Variants in DOCK9 observed in about 807,000 individuals in gnomAD.
DOCK9 encodes the protein dedicator of cytokinesis 9.
In DOCK9, 89 loss-of-function variants were observed where a neutral mutation model predicts 263.3. The ratio of observed to expected loss-of-function variants is 0.34; its 90% CI spans 0.28 to 0.40. The LOEUF (loss-of-function observed/expected upper bound fraction) is 0.40, where lower values mean the gene tolerates loss of function less well. Among genes scored for constraint, DOCK9 ranks in the 10% least tolerant of loss-of-function variants. The pLI is 1.00. For synonymous variants in DOCK9, 976 were observed against 973.1 expected, an observed-to-expected ratio of 1.00 and a Z score of -0.06; for missense variants, 2,140 against 2,603.4, an observed-to-expected ratio of 0.82 and a Z score of 3.87.
In DOCK9 at chr13:98,997,169, G is replaced by A. The variant is rs182998437; in HGVS notation, c.130-41618C>T. 2.6e-5 allele frequency among the ~76,000 whole-genome samples: 4 copies of A among 152,316 alleles called. No individual in the cohort carries two copies. The East Asian group carries it at 5.8e-4, about 22-fold the overall frequency. ...CAGCGCACTTACCCTAGAACACGCC[G>A]CTTCGCAGGGCACCTGTGTCTGCTG... On this transcript the variant is annotated intron_variant, in intron 1 of 32. Coordinates refer to the DOCK9 transcript ENST00000427887.
intron 52 of DOCK9, among the ~76,000 whole-genome samples, 186 bp downstream of exon 52, chr13:98,796,929 C>T (rs1282795954): frequency 6.6e-6 from 1 of 152,140 alleles, no homozygotes; most frequent in Non-Finnish European, 1.5e-5. Context: ...TAGATAACAG[C>T]ATATGGGCAA....
chr13:99,086,956 G>T (rs1470650050), upstream of DOCK9, among the ~76,000 whole-genome samples: 1 of 152,094 alleles, frequency 6.6e-6, no homozygotes, highest in Non-Finnish European at 1.5e-5. Context: ...GACGATGCGC[G>T]GTTTCGGAGC....
At chr13:98,832,022 A>G (rs1205154913) in intron 39 of DOCK9, 2 of 521,710 alleles carry the variant, frequency 3.8e-6, no homozygotes, top group African/African-American at 3.8e-5. Context: ...TGAAAGGAAC[A>G]CTTGCTTAGT....
In DOCK9 at chr13:98,904,459, T is replaced by C. The variant is rs77917954; in HGVS notation, c.1035+173A>G. ...GAATATCAAATATTCACAATAGTAA[T>C]GCTATGGTGATAAGATTATACATTT... is the stretch of plus-strand genomic sequence containing the variant. On this transcript the variant is annotated intron_variant, in intron 10 of 52. Coordinates refer to ENST00000682017, the MANE Select transcript of DOCK9 (RefSeq NM_001366683.2). Among the ~76,000 whole-genome samples, 1,029 of 152,368 alleles carry C rather than the reference T, an allele frequency of 6.8e-3. 17 individuals carry two copies. The highest frequency in any genetic ancestry group is 0.047 in the South Asian group (226 of 4,830).
rs546581569 is a variant in DOCK9, at chr13:99,070,436, G to A, written c.129+15787C>T. On this transcript the variant is annotated intron_variant, in intron 1 of 32. Coordinates refer to the DOCK9 transcript ENST00000427887. ...TGTTTTCACACAATTGTGACCACAC[G>A]CATTTCTGCTTACTGCGTTTTTTTT... is the stretch of plus-strand genomic sequence containing the variant. Among the ~76,000 whole-genome samples, 6 of 152,098 alleles carry A rather than the reference G, an allele frequency of 3.9e-5. No homozygotes were observed. In the South Asian group the frequency reaches 8.3e-4, roughly 21 times the overall value.
intron 1 of DOCK9, among the ~76,000 whole-genome samples, chr13:98,976,200 C>T (rs2060263327): frequency 1.3e-5 from 2 of 152,224 alleles, no homozygotes; most frequent in African/African-American, 2.4e-5. Flanking sequence ...CACACTGCCA[C>T]AAGCTGCTGG....
upstream of DOCK9, among the ~76,000 whole-genome samples, chr13:98,980,213 C>T (rs1876846937): frequency 6.6e-6 from 1 of 152,180 alleles, no homozygotes; most frequent in African/African-American, 2.4e-5. Flanking sequence ...GGTCAAAATA[C>T]CCTGGTATTC....
At chr13:98,828,061 C>T (rs113241040) in intron 43 of DOCK9, among the ~76,000 whole-genome samples, 92 of 152,230 alleles carry the variant, frequency 6.0e-4, no homozygotes, top group African/African-American at 1.9e-3. Context: ...GGATGCTATG[C>T]GACCACGGAG....
At chr13:98,854,637 A>G (rs1163388301) in intron 34 of DOCK9, 1 of 152,050 alleles carries the variant, frequency 6.6e-6, no homozygotes, top group Non-Finnish European at 1.5e-5. Context: ...TAGAAGGGAA[A>G]AATCCACAGT....
Position 98,805,181 on chromosome 13 carries a change from T to C in DOCK9, c.5543A>G (p.Tyr1848Cys), listed in dbSNP as rs1050971466. The change falls in exon 49 of 53, where the codon TAT (tyrosine) becomes TGT (cysteine). Residue 1848 changes from tyrosine to cysteine, a missense_variant. This residue lies in a region of DOCK9 where 619 missense variants were observed against 861.8 expected (regional missense o/e 0.72). Coordinates refer to ENST00000682017, the MANE Select transcript of DOCK9 (RefSeq NM_001366683.2). ...KVNPKDLDSKYAYIQVTHVIP... is the reference protein window; with the variant it reads ...KVNPKDLDSKCAYIQVTHVIP... The stretch of plus-strand genomic sequence containing the variant: ...GACGTGAGTCACCTGGATGTATGCA[T>C]ACTTAGAATCCAGATCCTTAGGGTT... The C allele has an allele frequency of 3.7e-6, 6 of 1,602,996 alleles. No individual in the cohort carries two copies. Among genetic ancestry groups the C allele is most frequent in the Non-Finnish European group, 5.1e-6 (6 of 1,173,690 alleles).
At chr13:98,944,175 T>C (rs2140647400) in intron 2 of DOCK9, among the ~76,000 whole-genome samples, 2 of 152,276 alleles carry the variant, frequency 1.3e-5, no homozygotes, top group South Asian at 4.1e-4. Flanking sequence ...AAACATACAA[T>C]GATGGACTAC....
chr13:98,850,219 C>A (rs534781509), intron 35 of DOCK9, 106 bp from the exon 36 acceptor site: 3 of 792,098 alleles, frequency 3.8e-6, no homozygotes, highest in Admixed American at 3.4e-5. Flanking sequence ...GCCTCTAAAC[C>A]CTGGAGTGTA....
In DOCK9 at chr13:98,882,102, C is replaced by A. The variant is rs545589371; in HGVS notation, c.2560-95G>T. 1.9e-5 allele frequency: 20 copies of A among 1,038,080 alleles called. No homozygotes were observed. In the South Asian group the frequency reaches 2.9e-4, roughly 15 times the overall value. 64.3% of individuals were successfully genotyped at this position (1,038,080 alleles called of 1,614,324 possible). On this transcript the variant is annotated intron_variant, in intron 23 of 52. Coordinates refer to ENST00000682017, the MANE Select transcript of DOCK9 (RefSeq NM_001366683.2). ...CTTCCAAACAAGGATGGAAGAACTC[C>A]CTCTAAAACAAAGGGAAGGCTGTGG...
At chr13:99,025,478 A>G (rs1046972090) in intron 1 of DOCK9, 3 of 152,256 alleles carry the variant, frequency 2.0e-5, no homozygotes, top group Non-Finnish European at 2.9e-5. Context: ...TAGATGGCTA[A>G]AATCAAAAAG....
At chr13:98,934,312 A>G (rs1220273214) in intron 2 of DOCK9, among the ~76,000 whole-genome samples, 1 of 152,154 alleles carries the variant, frequency 6.6e-6, no homozygotes, top group Non-Finnish European at 1.5e-5. Flanking sequence ...AGGAAGTACA[A>G]GGTAGCCATA....
At position 99,086,095 on chromosome 13, in the gene DOCK9, G is replaced by C. The variant is rs539559108; in HGVS notation, c.129+128C>G. ...CTCCCTCCCGCCGGCCCCACCTCTT[G>C]ATTCCGCGGACCCAGCAGGGTCGGC... On this transcript the variant is annotated intron_variant, in intron 1 of 32. Coordinates refer to the DOCK9 transcript ENST00000427887. The C allele has an allele frequency of 2.3e-4, 306 of 1,305,078 alleles. 1 individual carries two copies. The African/African-American group carries it at 4.4e-3, about 19-fold the overall frequency. The allele number at this position is 1,305,078 out of a possible 1,614,324, so 80.8% of individuals were successfully genotyped here.
intron 14 of DOCK9, 56 bp downstream of exon 14, chr13:98,898,123 G>A (rs2047709555): frequency 3.2e-6 from 4 of 1,241,524 alleles, no homozygotes; most frequent in Admixed American, 3.9e-5. Flanking sequence ...TAGGCCTATT[G>A]ACCCATCCAT....
intron 33 of DOCK9, chr13:98,858,484 A>G (rs1394959139): frequency 1.3e-5 from 2 of 152,238 alleles, no homozygotes; most frequent in African/African-American, 2.4e-5. Context: ...CTCTTGAAGG[A>G]GAAGCACCAG....
upstream of DOCK9, among the ~76,000 whole-genome samples, chr13:98,981,738 A>G (rs1252128743): frequency 6.6e-6 from 1 of 152,172 alleles, no homozygotes; most frequent in East Asian, 1.9e-4. Flanking sequence ...GGAGAGTCAC[A>G]TGGCACCGCG....
Sources: allele counts gnomAD v4.1 joint callset (sites outside exome capture counted in the v4.1 genomes callset), GRCh38; gene constraint gnomAD v4.1.1; regional missense constraint gnomAD v4.1.1; transcripts MANE v1.5; gene names NCBI Gene and HGNC (gene_info 2026-07-23, HGNC 2026-07-21).